Variants in CAMK2B observed in about 807,000 individuals in gnomAD.
The protein encoded by CAMK2B is calcium/calmodulin-dependent protein kinase type II subunit beta.
CAMK2B carries 27 observed loss-of-function variants against 93.7 expected under a neutral mutation model. The ratio of observed to expected loss-of-function variants is 0.29; its 90% CI spans 0.21 to 0.40. The LOEUF (loss-of-function observed/expected upper bound fraction) is 0.40. CAMK2B is among the 10% of genes least tolerant of loss of function. The probability of loss-of-function intolerance (pLI) is 1.00; values close to 1 mark genes in which losing one functional copy is unlikely to be tolerated. For synonymous variants in CAMK2B, 374 were observed against 358.8 expected, an observed-to-expected ratio of 1.04 and a Z score of -0.48; for missense variants, 568 against 895.8, an observed-to-expected ratio of 0.63 and a Z score of 4.67.
intron 1 of CAMK2B, among the ~76,000 whole-genome samples, chr7:44,294,818 A>C (rs1189640393): frequency 6.6e-6 from 1 of 152,182 alleles, no homozygotes; most frequent in Non-Finnish European, 1.5e-5. Context: ...AGGACACTAA[A>C]GCAGTGCACC....
chr7:44,296,147 C>T (rs968006001), intron 1 of CAMK2B, among the ~76,000 whole-genome samples: 3 of 152,178 alleles, frequency 2.0e-5, no homozygotes, highest in African/African-American at 4.8e-5. Context: ...TATGGCATGG[C>T]TTTTGGGAAC....
intron 18 of CAMK2B, 135 bp from the exon 19 acceptor site, chr7:44,229,059 T>C (rs1196563820): frequency 1.3e-5 from 11 of 851,292 alleles, no homozygotes; most frequent in Non-Finnish European, 2.0e-5. Flanking sequence ...AATCAGAGCC[T>C]GCCTCAATAG....
chr7:44,249,416 C>G (rs1173223773), intron 5 of CAMK2B, among the ~76,000 whole-genome samples: 2 of 152,210 alleles, frequency 1.3e-5, no homozygotes, highest in Non-Finnish European at 2.9e-5. Flanking sequence ...CCCAGGGGCC[C>G]TCCCAAGGGC....
intron 2 of CAMK2B, among the ~76,000 whole-genome samples, chr7:44,263,760 T>G (rs1213593592): frequency 6.6e-6 from 1 of 152,150 alleles, no homozygotes; most frequent in Non-Finnish European, 1.5e-5. Flanking sequence ...TAAAAACTGA[T>G]GGAGATTGTA....
At chr7:44,246,735 C>T (rs1286063300) in intron 6 of CAMK2B, among the ~76,000 whole-genome samples, 1 of 152,166 alleles carries the variant, frequency 6.6e-6, no homozygotes, top group East Asian at 1.9e-4. Context: ...CACACATGTG[C>T]ACACACACTC....
At chr7:44,253,749 C>A (rs570623206) in intron 5 of CAMK2B, among the ~76,000 whole-genome samples, 4 of 152,082 alleles carry the variant, frequency 2.6e-5, no homozygotes, top group African/African-American at 9.7e-5. Context: ...TGTGTGCCAC[C>A]ATGCCTGGCT....
At chr7:44,251,874 G>A (rs1317845817) in intron 5 of CAMK2B, among the ~76,000 whole-genome samples, 1 of 152,144 alleles carries the variant, frequency 6.6e-6, no homozygotes, top group Non-Finnish European at 1.5e-5. Context: ...ATTTCCTGAG[G>A]ACCCTAGAAA....
intron 1 of CAMK2B, among the ~76,000 whole-genome samples, chr7:44,285,350 G>A (rs1784763957): frequency 6.6e-6 from 1 of 152,222 alleles, no homozygotes; most frequent in Non-Finnish European, 1.5e-5. Context: ...AGAAAGGGGG[G>A]CTTGGAGGAA....
chr7:44,232,730 C>T (rs2096591295), intron 16 of CAMK2B, 92 bp downstream of exon 16: 2 of 1,286,136 alleles, frequency 1.6e-6, no homozygotes, highest in African/African-American at 1.5e-5. Flanking sequence ...GGACATCTGC[C>T]CTCCACTCTG....
At chr7:44,249,455 G>A (rs541614490) in intron 5 of CAMK2B, among the ~76,000 whole-genome samples, 6 of 152,330 alleles carry the variant, frequency 3.9e-5, no homozygotes, top group African/African-American at 1.2e-4. Flanking sequence ...ACTGCTGCGT[G>A]GTGTGGACGG....
intron 16 of CAMK2B, 35 bp from the exon 17 acceptor site, chr7:44,231,089 G>C: frequency 6.5e-7 from 1 of 1,543,816 alleles, no homozygotes; most frequent in Admixed American, 2.0e-5. Context: ...GTCAGGATGC[G>C]GCCAAGGATA....
intron 3 of CAMK2B, among the ~76,000 whole-genome samples, chr7:44,262,427 A>T (rs1447312969): frequency 6.6e-6 from 1 of 152,178 alleles, no homozygotes; most frequent in Admixed American, 6.5e-5. Flanking sequence ...CTGACCCCAG[A>T]CTGTAGTTCC....
At chr7:44,258,747 G>T in intron 4 of CAMK2B, 125 bp downstream of exon 4, 2 of 796,218 alleles carry the variant, frequency 2.5e-6, no homozygotes. Context: ...AGCAGCAGAA[G>T]CACACTCAAG....
At chr7:44,291,922 C>T (rs754352376) in intron 1 of CAMK2B, among the ~76,000 whole-genome samples, 4 of 152,234 alleles carry the variant, frequency 2.6e-5, no homozygotes, top group Non-Finnish European at 5.9e-5. Flanking sequence ...GGCCCAAGGG[C>T]TCCCTAACCT....
chr7:44,225,333 C>T lies in CAMK2B; in HGVS notation c.1597+1183G>A, dbSNP rs1004724625. On this transcript the variant is annotated intron_variant, in intron 20 of 23. Coordinates refer to ENST00000395749, the MANE Select transcript of CAMK2B (RefSeq NM_001220.5). The surrounding 1 kb of genome is among the most constrained non-coding windows in gnomAD (Gnocchi z 5.0). Reference sequence around the variant, plus strand: ...GAGCTGCTGTAGAAGTGGCAGGTGTCGGGGGTTCTGACCACTCCCAGAGGC... The same window carrying T: ...GAGCTGCTGTAGAAGTGGCAGGTGTTGGGGGTTCTGACCACTCCCAGAGGC... 2.6e-5 allele frequency among the ~76,000 whole-genome samples: 4 copies of T among 152,124 alleles called. No homozygotes were observed. Among genetic ancestry groups the T allele is most frequent in the Admixed American group, 6.5e-5 (1 of 15,280 alleles).
At chr7:44,252,566 G>A (rs2096790579) in intron 5 of CAMK2B, among the ~76,000 whole-genome samples, 1 of 151,298 alleles carries the variant, frequency 6.6e-6, no homozygotes, top group Admixed American at 6.6e-5. Flanking sequence ...TGGGGCTGTG[G>A]TCTAAGGCAC....
At chr7:44,290,245 C>T (rs896937594) in intron 1 of CAMK2B, among the ~76,000 whole-genome samples, 2 of 152,214 alleles carry the variant, frequency 1.3e-5, no homozygotes, top group African/African-American at 4.8e-5. Flanking sequence ...AGCAAAAGAT[C>T]CAAGCCTGGC....
rs1055639829 is a variant in CAMK2B at position 44,273,710 on chromosome 7, G to A, written c.160+10421C>T. Among the ~76,000 whole-genome samples, 5 of 152,186 alleles carry A rather than the reference G, an allele frequency of 3.3e-5. No homozygotes were observed. In the East Asian group the frequency reaches 9.6e-4, roughly 29 times the overall value. ...GTCAGGGTCCTACTCTCAAAAATAA[G>A]GCCCAGACTCCAGGGCTGCACTCTT... On this transcript the variant is annotated intron_variant, in intron 2 of 23. Transcript: ENST00000395749.
In CAMK2B at chr7:44,229,396, G is replaced by T; in HGVS notation, c.1331C>A (p.Pro444Gln). ...CPSPAPFSPL[P>Q]APSPRISDIL... ...GGACCCAGGCTACTTACATGGGGCT[G>T]GCAGGGGGCTAAAGGGAGCCGGAGA... Residue 444 changes from proline to glutamine, a missense_variant, in exon 18 of 24, where the codon CCA becomes CAA. By Grantham distance (76) the Pro-to-Gln change is moderately conservative (BLOSUM62 -1). Transcript: ENST00000395749. 1 of 1,525,424 alleles carries T rather than the reference G, an allele frequency of 6.6e-7. No individual in the cohort carries two copies. The highest frequency in any genetic ancestry group is 8.8e-7 in the Non-Finnish European group (1 of 1,136,000). 94.5% of individuals were successfully genotyped at this position (1,525,424 alleles called of 1,614,324 possible).
Sources: allele counts gnomAD v4.1 joint callset (sites outside exome capture counted in the v4.1 genomes callset), GRCh38; gene constraint gnomAD v4.1.1; non-coding constraint Gnocchi (gnomAD v3.1); transcripts MANE v1.5; gene names NCBI Gene and HGNC (gene_info 2026-07-23, HGNC 2026-07-21).